The following IQCJ variants were observed in gnomAD, a reference collection of about 807,000 sequenced individuals.
IQCJ encodes IQ domain-containing protein J.
In IQCJ, 9 loss-of-function variants were observed where a neutral mutation model predicts 11.0. That is an observed-to-expected ratio of 0.82 (90% CI 0.49 to 1.43). The LOEUF (loss-of-function observed/expected upper bound fraction) is 1.43. Ranked by LOEUF, IQCJ falls within the 40% of genes most tolerant of loss-of-function variation. The pLI, the probability that IQCJ is intolerant of heterozygous loss-of-function variation, is 0.00. For synonymous variants in IQCJ, 55 were observed against 51.3 expected, an observed-to-expected ratio of 1.07 and a Z score of -0.31; for missense variants, 146 against 133.2, an observed-to-expected ratio of 1.10 and a Z score of -0.47.
chr3:159,209,771 A>G (rs1724854311), intron 1 of IQCJ, among the ~76,000 whole-genome samples: 1 of 152,118 alleles, frequency 6.6e-6, no homozygotes, highest in Non-Finnish European at 1.5e-5. Flanking sequence ...CTCTGTTTCA[A>G]GTCCTGTAAG....
chr3:159,144,310 C>G (rs1720795783), intron 1 of IQCJ, among the ~76,000 whole-genome samples: 1 of 152,176 alleles, frequency 6.6e-6, no homozygotes, highest in African/African-American at 2.4e-5. Context: ...ATATAGTTGT[C>G]TAAAAAGTCT....
At chr3:159,095,521 G>GC (rs1717679010) in intron 1 of IQCJ, among the ~76,000 whole-genome samples, 1 of 107,150 alleles carries the variant, frequency 9.3e-6, no homozygotes, top group East Asian at 2.8e-4. Flanking sequence ...CCCCTCCCCC[G>GC]ACCCCACCAC....
chr3:159,114,452 A>G (rs1050734014), intron 1 of IQCJ, among the ~76,000 whole-genome samples: 3 of 152,020 alleles, frequency 2.0e-5, no homozygotes, highest in Non-Finnish European at 4.4e-5. Flanking sequence ...CTGGGACTAC[A>G]GGCATGCACC....
At chr3:159,219,657 A>T (rs1428045798) in intron 1 of IQCJ, among the ~76,000 whole-genome samples, 1 of 152,110 alleles carries the variant, frequency 6.6e-6, no homozygotes, top group Non-Finnish European at 1.5e-5. Context: ...AATATTAAAG[A>T]TCTCTCCTTT....
At chr3:159,241,186 G>A (rs983745070) in intron 1 of IQCJ, among the ~76,000 whole-genome samples, 1 of 151,894 alleles carries the variant, frequency 6.6e-6, no homozygotes, top group African/African-American at 2.4e-5. Flanking sequence ...GAGGCAGGCG[G>A]ATCATGAGGT....
chr3:159,265,525 C>T (rs1005244262), downstream of IQCJ: 25 of 746,300 alleles, frequency 3.3e-5, no homozygotes, highest in Admixed American at 5.7e-5. Context: ...TGTTAAAAGC[C>T]TTCAGTCCAA....
intron 1 of IQCJ, among the ~76,000 whole-genome samples, chr3:159,087,539 A>T (rs1175634156): frequency 2.6e-5 from 4 of 151,896 alleles, no homozygotes; most frequent in African/African-American, 9.7e-5. Context: ...CTGTGAATCC[A>T]TCTGGTCCTG....
chr3:159,175,832 G>C (rs551778341), intron 1 of IQCJ, among the ~76,000 whole-genome samples: 2 of 152,266 alleles, frequency 1.3e-5, no homozygotes, highest in Admixed American at 6.5e-5. Flanking sequence ...TAAATGTTTA[G>C]AGCTGGAACT....
chr3:159,114,641 G>A (rs1577017144), intron 1 of IQCJ, among the ~76,000 whole-genome samples: 1 of 152,032 alleles, frequency 6.6e-6, no homozygotes, highest in African/African-American at 2.4e-5. Flanking sequence ...CTCTTTGGGC[G>A]AAATTCGGAA....
chr3:159,165,852 A>G (rs1374088306), intron 1 of IQCJ, among the ~76,000 whole-genome samples: 1 of 135,324 alleles, frequency 7.4e-6, no homozygotes, highest in African/African-American at 2.9e-5. Flanking sequence ...GGTGGTCTCC[A>G]TCTCTTGACC....
At chr3:159,134,377 A>ACAC (rs1720166297) in intron 1 of IQCJ, among the ~76,000 whole-genome samples, 1 of 152,178 alleles carries the variant, frequency 6.6e-6, no homozygotes, top group Admixed American at 6.5e-5. Context: ...AAGAGCGTGA[A>ACAC]CACCAGTAAG....
At chr3:159,259,279 G>T (rs1290947547) in intron 3 of IQCJ, among the ~76,000 whole-genome samples, 9 of 152,126 alleles carry the variant, frequency 5.9e-5, no homozygotes, top group Admixed American at 5.2e-4. Context: ...AAGAAAAATT[G>T]TTGAAAATGT....
chr3:159,116,614 G>GTATATATATA (rs57810703), intron 1 of IQCJ, among the ~76,000 whole-genome samples: 3 of 57,700 alleles, frequency 5.2e-5, no homozygotes, highest in Non-Finnish European at 7.0e-5. Context: ...CTGCTCATAT[G>GTATATATATA]TATATATATA....
chr3:159,089,328 C>T (rs1447145272), intron 1 of IQCJ, among the ~76,000 whole-genome samples: 1 of 152,110 alleles, frequency 6.6e-6, no homozygotes, highest in East Asian at 1.9e-4. Context: ...GATAACCTGA[C>T]CTTTCTTTCT....
chr3:159,088,678 CTTCT>C (rs1716989591), intron 1 of IQCJ, among the ~76,000 whole-genome samples: 1 of 152,034 alleles, frequency 6.6e-6, no homozygotes, highest in African/African-American at 2.4e-5. Context: ...ATGTAATGGC[CTTCT>C]TTGTCTCTTT....
intron 1 of IQCJ, among the ~76,000 whole-genome samples, chr3:159,095,309 G>A (rs1156898881): frequency 6.6e-6 from 1 of 151,592 alleles, no homozygotes; most frequent in Non-Finnish European, 1.5e-5. Context: ...TAGAGGAGCT[G>A]CTTATTTTTG....
intron 1 of IQCJ, among the ~76,000 whole-genome samples, chr3:159,129,113 A>G (rs755809256): frequency 5.9e-5 from 9 of 152,236 alleles, no homozygotes; most frequent in Non-Finnish European, 1.2e-4. Context: ...TTTGGAAAAT[A>G]GAGGAGAAAA....
At chr3:159,172,235 C>A (rs901166713) in intron 1 of IQCJ, among the ~76,000 whole-genome samples, 1 of 151,960 alleles carries the variant, frequency 6.6e-6, no homozygotes, top group African/African-American at 2.4e-5. Flanking sequence ...CATGGGATAT[C>A]CCCATAATGG....
In IQCJ at chr3:159,188,857, CTT is replaced by C. The variant is rs72316826; in HGVS notation, c.10-56983_10-56982del. Among the ~76,000 whole-genome samples, 763 of 152,260 alleles carry C rather than the reference CTT, an allele frequency of 5.0e-3. 6 individuals are homozygous for C. The highest frequency in any genetic ancestry group is 0.017 in the African/African-American group (721 of 41,546). On this transcript the variant is annotated intron_variant, in intron 1 of 3. Coordinates refer to ENST00000397832, the MANE Select transcript of IQCJ (RefSeq NM_001042706.3). ...TTATTCGTTGAATAATAAAAGCTGA[CTT>C]TTGTATTCTCAGTTCATTTAATGGT...
Sources: allele counts gnomAD v4.1 joint callset (sites outside exome capture counted in the v4.1 genomes callset), GRCh38; gene constraint gnomAD v4.1.1; transcripts MANE v1.5; gene names NCBI Gene and HGNC (gene_info 2026-07-23, HGNC 2026-07-21).